The following RAD21L1 variants were observed in gnomAD, a reference collection of about 807,000 sequenced individuals.
RAD21L1 encodes double-strand-break repair protein rad21-like protein 1.
In RAD21L1, 47 loss-of-function variants were observed where a neutral mutation model predicts 69.0. The ratio of observed to expected loss-of-function variants is 0.68; its 90% confidence interval spans 0.54 to 0.87. The LOEUF is 0.87. RAD21L1 is among the 40% of genes least tolerant of loss of function. The pLI is 0.00. For missense variants in RAD21L1, 583 were observed against 647.6 expected (o/e 0.90, Z 1.08); for synonymous variants, 177 against 205.8 (o/e 0.86, Z 1.20).
intron 10 of RAD21L1, among the ~76,000 whole-genome samples, chr20:1,243,752 A>G (rs916697093): frequency 2.6e-5 from 4 of 152,168 alleles, no homozygotes; most frequent in African/African-American, 9.7e-5. Flanking sequence ...AACCTGCTGA[A>G]CAATATACCA....
intron 5 of RAD21L1, among the ~76,000 whole-genome samples, chr20:1,235,952 G>C (rs1327986862): frequency 6.6e-6 from 1 of 152,034 alleles, no homozygotes. Flanking sequence ...ATTTTTAGTA[G>C]AGATGGAGTT....
Position 1,244,316 on chromosome 20 carries a change from G to A in RAD21L1, c.1308+146G>A, listed in dbSNP as rs1600227355. ...TGCAATTTGTTTAGTAAGTAGCAGGGTAAAACATGATTTTCTTCTGCAGAA... is the reference window on the plus strand; with the variant it reads ...TGCAATTTGTTTAGTAAGTAGCAGGATAAAACATGATTTTCTTCTGCAGAA... On this transcript the variant is annotated intron_variant, in intron 11 of 13. Coordinates refer to ENST00000683101, the MANE Select transcript of RAD21L1 (RefSeq NM_001384355.1). 12 of 599,536 alleles carry A rather than the reference G, an allele frequency of 2.0e-5. 1 individual carries two copies. The highest frequency in any genetic ancestry group is 9.8e-5 in the South Asian group (3 of 30,500). 37.1% of individuals were successfully genotyped at this position (599,536 alleles called of 1,614,324 possible). A position where few individuals can be genotyped will look rare whatever the true frequency, so the allele number is the denominator to read the frequency against.
rs557030975 is a variant in RAD21L1 at position 1,238,269 on chromosome 20, ATATAT to A, written c.646+58_646+62del. 1.3e-4 allele frequency: 149 copies of A among 1,165,990 alleles called. No individual in the cohort carries two copies. The African/African-American group carries it at 2.1e-3, about 17-fold the overall frequency. 72.2% of individuals were successfully genotyped at this position (1,165,990 alleles called of 1,614,324 possible). ...TATTTATTTTCATCAAATTACTACA[ATATAT>A]TAGTAGATTTATTATATCAATCTAA... is the stretch of plus-strand genomic sequence containing the variant. On this transcript the variant is annotated intron_variant, in intron 6 of 13. Transcript: ENST00000683101.
intron 8 of RAD21L1, 96 bp downstream of exon 8, chr20:1,240,530 AG>A: frequency 6.9e-7 from 1 of 1,440,342 alleles, no homozygotes; most frequent in Non-Finnish European, 9.1e-7. Context: ...TATAGGAGAT[AG>A]TCAATCTAGT....
At chr20:1,248,252 T>A (rs939578124) in intron 12 of RAD21L1, among the ~76,000 whole-genome samples, 9 of 152,046 alleles carry the variant, frequency 5.9e-5, no homozygotes, top group Non-Finnish European at 1.5e-5. Flanking sequence ...GCTGTATGTT[T>A]ACTCCTGTCA....
At chr20:1,251,072 T>G (rs2087819428) in intron 13 of RAD21L1, among the ~76,000 whole-genome samples, 1 of 152,194 alleles carries the variant, frequency 6.6e-6, no homozygotes, top group Admixed American at 6.5e-5. Flanking sequence ...GTTAACATCC[T>G]TTCATAATTT....
intron 13 of RAD21L1, among the ~76,000 whole-genome samples, chr20:1,249,519 T>C (rs1183322682): frequency 6.6e-6 from 1 of 152,154 alleles, no homozygotes; most frequent in African/African-American, 2.4e-5. Context: ...TCCTTTGTCT[T>C]CTCAAGATCC....
At chr20:1,230,785 T>C (rs2087373523) in intron 3 of RAD21L1, 1 of 505,312 alleles carries the variant, frequency 2.0e-6, no homozygotes, top group African/African-American at 2.1e-5. Context: ...CAAGTATGGT[T>C]CATTTGTTCG....
At chr20:1,234,557 A>T (rs1035785120) in intron 5 of RAD21L1, among the ~76,000 whole-genome samples, 1 of 152,234 alleles carries the variant, frequency 6.6e-6, no homozygotes, top group Admixed American at 6.5e-5. Flanking sequence ...TTTTATATGT[A>T]TGCTGCATGA....
intron 5 of RAD21L1, among the ~76,000 whole-genome samples, chr20:1,235,038 T>C (rs991382824): frequency 2.0e-5 from 3 of 152,230 alleles, no homozygotes; most frequent in African/African-American, 7.2e-5. Context: ...CCACTGTGCC[T>C]GGCTAGTGTA....
chr20:1,229,998 C>T lies in RAD21L1; in HGVS notation c.263C>T (p.Thr88Ile). Residue 88 changes from threonine (T) to isoleucine (I), a missense_variant, in exon 3 of 14, where the codon ACA (threonine) becomes ATA (isoleucine). Transcript: ENST00000683101. ...GAAGCATTTCTTAAAATGAAGATGACATTTTGCCCAGGTATACATGTAATA... is the reference window on the plus strand; with the variant it reads ...GAAGCATTTCTTAAAATGAAGATGATATTTTGCCCAGGTATACATGTAATA... ...CSEAFLKMKM[T>I]FCPGLVDLPK... The T allele has an allele frequency of 6.5e-7, 1 of 1,549,116 alleles. No homozygotes were observed. The highest frequency in any genetic ancestry group is 8.7e-7 in the Non-Finnish European group (1 of 1,145,040).
Position 1,242,861 on chromosome 20 carries a change from C to A in RAD21L1, c.1083+16C>A, listed in dbSNP as rs776734799. Reference sequence around the variant, plus strand: ...ACTGAAAATGGTAACGGTTCCTACCCTTCTACATGTGAGCAATGTCTGGTT... The same window carrying A: ...ACTGAAAATGGTAACGGTTCCTACCATTCTACATGTGAGCAATGTCTGGTT... On this transcript the variant is annotated intron_variant, in intron 9 of 13. Transcript: ENST00000683101. 6.8e-7 allele frequency: 1 copy of A among 1,478,604 alleles called. No homozygotes were observed. The highest frequency in any genetic ancestry group is 2.0e-5 in the Admixed American group (1 of 50,876). The allele number at this position is 1,478,604 out of a possible 1,614,324, so 91.6% of individuals were successfully genotyped here. A position where few individuals can be genotyped will look rare whatever the true frequency, so the allele number is the denominator to read the frequency against.
In RAD21L1 at chr20:1,239,316, T is replaced by A; in HGVS notation, c.651T>A (p.Asn217Lys). The A allele has an allele frequency of 6.6e-7, 1 of 1,524,948 alleles. No homozygotes were observed. Among genetic ancestry groups the A allele is most frequent in the Non-Finnish European group, 8.9e-7 (1 of 1,125,620 alleles). 94.5% of individuals were successfully genotyped at this position (1,524,948 alleles called of 1,614,324 possible). A position where few individuals can be genotyped will look rare whatever the true frequency, so the allele number is the denominator to read the frequency against. The change falls in exon 7 of 14, where the codon AAT becomes AAA. Residue 217 changes from asparagine (N) to lysine (K), a missense_variant. Physicochemically the swap from Asn to Lys is moderately conservative, Grantham distance 94 (BLOSUM62 0). Coordinates refer to ENST00000683101, the MANE Select transcript of RAD21L1 (RefSeq NM_001384355.1). ...ATATTCATTGTGTTTTTCAAGACAA[T>A]CTATTGCAAGATGATCAGAATATCC... ...DEGAAGEMID[N>K]LLQDDQNILL... is the part of the protein sequence containing the mutation.
At position 1,229,978 on chromosome 20, in the gene RAD21L1, AT is replaced by A; in HGVS notation, c.246del (p.Met85Ter). 1 of 1,550,432 alleles carries A rather than the reference AT, an allele frequency of 6.4e-7. No homozygotes were observed. Among genetic ancestry groups the A allele is most frequent in the Non-Finnish European group, 8.7e-7 (1 of 1,145,860 alleles). ...ATCTTTTGGCAGATTGCAGTGAAGC[AT>A]TTCTTAAAATGAAGATGACATTTTG... ...KYLLADCSEAFLKMKMTFCPG... is the reference protein window; with the variant it reads ...KYLLADCSEAXLKMKMTFCPG... On this transcript the variant is annotated frameshift_variant, in exon 3 of 14. Coordinates refer to ENST00000683101, the MANE Select transcript of RAD21L1 (RefSeq NM_001384355.1). LOFTEE classifies it high-confidence loss of function.
At position 1,234,145 on chromosome 20, in the gene RAD21L1, T is replaced by C. The variant is rs1158744326; in HGVS notation, c.429T>C (p.Leu143=). The C allele has an allele frequency of 2.6e-6, 4 of 1,545,704 alleles. No individual in the cohort carries two copies. The South Asian group carries it at 4.8e-5, about 18-fold the overall frequency. The change falls in exon 5 of 14, where the codon CTT becomes CTC. Residue 143 remains leucine, a synonymous_variant. Coordinates refer to ENST00000683101, the MANE Select transcript of RAD21L1 (RefSeq NM_001384355.1). ...AAAGCAGACCAGAAGAAATCACTCT[T>C]AGAGAAAATTTTGACAATGATCTAA... ...QNQSRPEEIT[L]RENFDNDLIF...
At chr20:1,244,776 C>T (rs2087686982) in intron 11 of RAD21L1, among the ~76,000 whole-genome samples, 4 of 152,092 alleles carry the variant, frequency 2.6e-5, no homozygotes, top group South Asian at 2.1e-4. Flanking sequence ...ATTATAGCCA[C>T]ACCAGTTAAA....
Position 1,229,968 on chromosome 20 carries a change from G to T in RAD21L1, c.233G>T (p.Cys78Phe). ...AAGGCAAAATATCTTTTGGCAGATT[G>T]CAGTGAAGCATTTCTTAAAATGAAG... Reference protein sequence around the residue: ...NRKAKYLLADCSEAFLKMKMT... With the variant: ...NRKAKYLLADFSEAFLKMKMT... Residue 78 changes from cysteine (C) to phenylalanine (F), a missense_variant, in exon 3 of 14, where the codon TGC (cysteine) becomes TTC (phenylalanine). Transcript: ENST00000683101. 5 of 1,550,464 alleles carry T rather than the reference G, an allele frequency of 3.2e-6. No homozygotes were observed. The highest frequency in any genetic ancestry group is 4.4e-6 in the Non-Finnish European group (5 of 1,145,858).
At chr20:1,231,690 A>C (rs938301300) in intron 4 of RAD21L1, 71 bp downstream of exon 4, 4 of 790,352 alleles carry the variant, frequency 5.1e-6, no homozygotes, top group African/African-American at 1.7e-5. Flanking sequence ...AATTTAATTG[A>C]GTCAAATGGA....
At chr20:1,235,904 AC>A (rs1276875305) in intron 5 of RAD21L1, among the ~76,000 whole-genome samples, 1 of 151,894 alleles carries the variant, frequency 6.6e-6, no homozygotes, top group Non-Finnish European at 1.5e-5. Flanking sequence ...AGTAGCTGGG[AC>A]TACAGGCATG....
Sources: allele counts gnomAD v4.1 joint callset (sites outside exome capture counted in the v4.1 genomes callset), GRCh38; gene constraint gnomAD v4.1.1; transcripts MANE v1.5; gene names NCBI Gene and HGNC (gene_info 2026-07-23, HGNC 2026-07-21).